The following DYNC1I2 variants were observed in gnomAD, a reference collection of about 807,000 sequenced individuals.
DYNC1I2 encodes cytoplasmic dynein 1 intermediate chain 2.
Under a neutral mutation model 88.6 loss-of-function variants are expected in DYNC1I2, and 53 were observed. That is an observed-to-expected ratio of 0.60 (90% CI 0.48 to 0.75). The LOEUF (loss-of-function observed/expected upper bound fraction) is 0.75. DYNC1I2 is among the 30% of genes least tolerant of loss of function. DYNC1I2 has a pLI of 0.00. For missense variants in DYNC1I2, 458 were observed against 766.6 expected, an observed-to-expected ratio of 0.60 and a Z score of 4.75; for synonymous variants, 198 against 254.6, an observed-to-expected ratio of 0.78 and a Z score of 2.12.
At chr2:171,746,077 G>C in intron 17 of DYNC1I2, 150 bp downstream of exon 17, 1 of 725,394 alleles carries the variant, frequency 1.4e-6, no homozygotes, top group Non-Finnish European at 2.1e-6. Flanking sequence ...CACAGAAGCA[G>C]CTCTTGAAAC....
chr2:171,690,126 TAATG>T lies in DYNC1I2; in HGVS notation c.-9-19_-9-16del. 1.4e-6 allele frequency: 2 copies of T among 1,451,270 alleles called. No individual in the cohort carries two copies. The highest frequency in any genetic ancestry group is 1.9e-6 in the Non-Finnish European group (2 of 1,073,298). The allele number at this position is 1,451,270 out of a possible 1,614,324, so 89.9% of individuals were successfully genotyped here. On this transcript the variant is annotated splice_polypyrimidine_tract_variant and intron_variant, in intron 1 of 17. Transcript: ENST00000397119. ...TTCAACTGTGCTGCTTTTACTAACA[TAATG>T]ATTATATGTTTCTAAGGTCACAAAC...
chr2:171,709,483 T>C (rs1010667137), intron 5 of DYNC1I2, among the ~76,000 whole-genome samples: 1 of 152,216 alleles, frequency 6.6e-6, no homozygotes, highest in African/African-American at 2.4e-5. Context: ...AGAATTTACA[T>C]TGTAGTGATT....
intron 5 of DYNC1I2, among the ~76,000 whole-genome samples, chr2:171,712,110 A>AT (rs892483550): frequency 1.3e-5 from 2 of 152,112 alleles, no homozygotes; most frequent in Non-Finnish European, 2.9e-5. Context: ...GGAAAAATCT[A>AT]TTTTTTTCCT....
intron 16 of DYNC1I2, 33 bp from the exon 17 acceptor site, chr2:171,745,769 T>G (rs761809717): frequency 1.4e-5 from 22 of 1,604,108 alleles, no homozygotes; most frequent in Non-Finnish European, 1.9e-5. Flanking sequence ...TGATGAAACT[T>G]TTAACACTGT....
chr2:171,695,884 A>T (rs1013987930), intron 3 of DYNC1I2, among the ~76,000 whole-genome samples: 2 of 152,140 alleles, frequency 1.3e-5, no homozygotes, highest in Non-Finnish European at 2.9e-5. Flanking sequence ...CAGCTTTCTA[A>T]TTTTTGCTAA....
intron 3 of DYNC1I2, among the ~76,000 whole-genome samples, chr2:171,701,944 G>A (rs1686294536): frequency 6.6e-6 from 1 of 152,188 alleles, no homozygotes; most frequent in Non-Finnish European, 1.5e-5. Context: ...GTAATTAAGA[G>A]TGGAGACTCA....
At chr2:171,738,126 G>A (rs896805544) in intron 15 of DYNC1I2, among the ~76,000 whole-genome samples, 4 of 152,096 alleles carry the variant, frequency 2.6e-5, no homozygotes, top group Non-Finnish European at 5.9e-5. Context: ...GAGGTCAGGA[G>A]TTCGAGACCA....
chr2:171,748,967 T>G lies in DYNC1I2; in HGVS notation c.*1078T>G, dbSNP rs929638851. On this transcript the variant is annotated 3_prime_UTR_variant, in exon 18 of 18. Coordinates refer to ENST00000397119, the MANE Select transcript of DYNC1I2 (RefSeq NM_001378.3). The stretch of plus-strand genomic sequence containing the variant: ...GAAAGGACTATGATCAGATCTTGAT[T>G]TTATCTACTTTAAATTGTCTATTTA... Among the ~76,000 whole-genome samples the G allele has an allele frequency of 6.6e-6, 1 of 152,206 alleles. No individual in the cohort carries two copies. Among genetic ancestry groups the G allele is most frequent in the Non-Finnish European group, 1.5e-5 (1 of 68,018 alleles).
At chr2:171,735,178 C>T (rs1225950495) in intron 15 of DYNC1I2, among the ~76,000 whole-genome samples, 1 of 152,150 alleles carries the variant, frequency 6.6e-6, no homozygotes, top group Admixed American at 6.5e-5. Flanking sequence ...ATAAAAATCC[C>T]TGGGAATCTC....
intron 3 of DYNC1I2, among the ~76,000 whole-genome samples, chr2:171,704,257 C>T (rs995893504): frequency 6.6e-6 from 1 of 151,620 alleles, no homozygotes; most frequent in Non-Finnish European, 1.5e-5. Context: ...TCTTGATTGC[C>T]TTTTTGTCCT....
At chr2:171,723,969 GACAGTGATT>G (rs1200268085) in intron 7 of DYNC1I2, among the ~76,000 whole-genome samples, 9 of 152,218 alleles carry the variant, frequency 5.9e-5, no homozygotes, top group African/African-American at 2.2e-4. Flanking sequence ...TGGCTGAAAA[GACAGTGATT>G]ACTGTTTTCC....
At position 171,725,590 on chromosome 2, in the gene DYNC1I2, T is replaced by G. The variant is rs796865500; in HGVS notation, c.512-28T>G. The stretch of plus-strand genomic sequence containing the variant: ...ATTATATCATTCTGTTTTTTTGTTT[T>G]TTTGTTTGTTTTTTTTTTTTTTTTC... On this transcript the variant is annotated intron_variant, in intron 7 of 17. Transcript: ENST00000397119. The G allele has an allele frequency of 1.4e-3, 1,883 of 1,353,558 alleles. 24 individuals carry two copies. In the African/African-American group the frequency reaches 0.028, roughly 20 times the overall value. 83.8% of individuals were successfully genotyped at this position (1,353,558 alleles called of 1,614,324 possible).
At chr2:171,707,096 A>C (rs1198419953) in intron 4 of DYNC1I2, 191 bp from the exon 5 acceptor site, 17 of 725,254 alleles carry the variant, frequency 2.3e-5, no homozygotes, top group Non-Finnish European at 3.6e-5. Context: ...AATCTTCAGC[A>C]TGCATTGTTA....
At chr2:171,698,417 C>T (rs1349010263) in intron 3 of DYNC1I2, among the ~76,000 whole-genome samples, 1 of 152,036 alleles carries the variant, frequency 6.6e-6, no homozygotes, top group Non-Finnish European at 1.5e-5. Context: ...CAGGGTTTCA[C>T]TTTGTCACCC....
At chr2:171,716,526 G>A (rs575042534) in intron 7 of DYNC1I2, among the ~76,000 whole-genome samples, 29 of 152,240 alleles carry the variant, frequency 1.9e-4, no homozygotes, top group Non-Finnish European at 3.7e-4. Context: ...GGAAATACAG[G>A]TAAGCAAAAG....
chr2:171,715,602 G>A (rs559241960), intron 7 of DYNC1I2, among the ~76,000 whole-genome samples, 159 bp downstream of exon 7: 23 of 152,094 alleles, frequency 1.5e-4, no homozygotes, highest in African/African-American at 4.1e-4. Context: ...TACAGTTTCT[G>A]TATTTATGTC....
At chr2:171,745,755 A>G (rs1463436175) in intron 16 of DYNC1I2, 47 bp from the exon 17 acceptor site, 11 of 1,573,022 alleles carry the variant, frequency 7.0e-6, no homozygotes, top group Non-Finnish European at 8.7e-6. Flanking sequence ...GTTTATAGAA[A>G]TCTTGATGAA....
chr2:171,731,132 G>A (rs994993215), intron 15 of DYNC1I2, among the ~76,000 whole-genome samples: 2 of 152,136 alleles, frequency 1.3e-5, no homozygotes, highest in Non-Finnish European at 2.9e-5. Context: ...AATGGGGATC[G>A]GACAGAGCCT....
intron 3 of DYNC1I2, among the ~76,000 whole-genome samples, chr2:171,699,544 G>A (rs1018996130): frequency 1.3e-5 from 2 of 151,294 alleles, no homozygotes; most frequent in African/African-American, 4.9e-5. Flanking sequence ...CCTTGATTAT[G>A]ACTTTTTTCT....
Sources: allele counts gnomAD v4.1 joint callset (sites outside exome capture counted in the v4.1 genomes callset), GRCh38; gene constraint gnomAD v4.1.1; transcripts MANE v1.5; gene names NCBI Gene and HGNC (gene_info 2026-07-23, HGNC 2026-07-21).